HABP4: variants seen among roughly 807,000 people sequenced by gnomAD.
HABP4 encodes the protein intracellular hyaluronan-binding protein 4.
In HABP4, 32 loss-of-function variants were observed where a neutral mutation model predicts 44.1. That is an observed-to-expected ratio of 0.73 (90% CI 0.55 to 0.97). The LOEUF (loss-of-function observed/expected upper bound fraction) is 0.97, where lower values mean the gene tolerates loss of function less well. Ranked by LOEUF, HABP4 falls within the 50% of genes least tolerant of loss-of-function variation. The probability of loss-of-function intolerance (pLI) is 0.00; values close to 1 mark genes in which losing one functional copy is unlikely to be tolerated. For synonymous variants in HABP4, 216 were observed against 218.0 expected, an observed-to-expected ratio of 0.99 and a Z score of 0.08; for missense variants, 503 against 561.9, an observed-to-expected ratio of 0.90 and a Z score of 1.06.
intron 5 of HABP4, among the ~76,000 whole-genome samples, chr9:96,473,522 A>C (rs1013296633): frequency 2.6e-5 from 4 of 152,116 alleles, no homozygotes; most frequent in Non-Finnish European, 2.9e-5. Context: ...CACCTACGCC[A>C]AGGTGGTGTT....
intron 5 of HABP4, among the ~76,000 whole-genome samples, chr9:96,479,889 G>T (rs758185538): frequency 6.6e-6 from 1 of 152,146 alleles, no homozygotes; most frequent in Non-Finnish European, 1.5e-5. Flanking sequence ...ATGCTGGCCG[G>T]GTGCGGTGGC....
At chr9:96,476,091 G>C (rs79326417) in intron 5 of HABP4, among the ~76,000 whole-genome samples, 2,060 of 152,146 alleles carry the variant, frequency 0.014, 44 homozygotes, top group African/African-American at 0.047. Context: ...TTTCCATCTA[G>C]GTATTTTTCT....
At chr9:96,457,741 G>T (rs1022499975) in intron 1 of HABP4, among the ~76,000 whole-genome samples, 22 of 152,084 alleles carry the variant, frequency 1.4e-4, no homozygotes, top group African/African-American at 4.8e-4. Flanking sequence ...GGTGGCACAT[G>T]CCTGTAATTC....
chr9:96,458,504 C>T lies in HABP4; in HGVS notation c.475C>T (p.Gln159Ter). 6.2e-7 allele frequency: 1 copy of T among 1,613,290 alleles called. No individual in the cohort carries two copies. Among genetic ancestry groups the T allele is most frequent in the Non-Finnish European group, 8.5e-7 (1 of 1,179,248 alleles). The change falls in exon 2 of 8, where the codon CAG becomes TAG. Residue 159 changes from glutamine to a stop codon, truncating the protein, a stop_gained. Coordinates refer to ENST00000375249, the MANE Select transcript of HABP4 (RefSeq NM_014282.4). LOFTEE classifies it high-confidence loss of function. Reference sequence around the variant, plus strand: ...ATACCGACCCTATGAGACAGAGAGGCAGGCAGACTTCACAGCTGAGAAGTT... The same window carrying T: ...ATACCGACCCTATGAGACAGAGAGGTAGGCAGACTTCACAGCTGAGAAGTT... The part of the protein sequence containing the change: ...REYRPYETER[Q>*]ADFTAEKFPD...
intron 5 of HABP4, among the ~76,000 whole-genome samples, chr9:96,478,134 A>G (rs1832812513): frequency 6.6e-6 from 1 of 151,810 alleles, no homozygotes; most frequent in Non-Finnish European, 1.5e-5. Context: ...GCTGCTATGA[A>G]CATTTTTTTT....
chr9:96,457,725 G>C (rs1209848420), intron 1 of HABP4, among the ~76,000 whole-genome samples: 1 of 151,940 alleles, frequency 6.6e-6, no homozygotes, highest in Non-Finnish European at 1.5e-5. Flanking sequence ...AAAATTAGCT[G>C]GGCATGGTGG....
intron 4 of HABP4, among the ~76,000 whole-genome samples, chr9:96,468,018 G>A (rs1338464265): frequency 6.6e-6 from 1 of 152,194 alleles, no homozygotes; most frequent in Non-Finnish European, 1.5e-5. Context: ...GTGTTAAAAT[G>A]ACGTGTGCCC....
At chr9:96,455,288 T>C (rs1370374305) in intron 1 of HABP4, among the ~76,000 whole-genome samples, 4 of 149,766 alleles carry the variant, frequency 2.7e-5, no homozygotes, top group Non-Finnish European at 4.4e-5. Context: ...CTGTCTGTAG[T>C]AAAAATACAG....
chr9:96,453,597 T>TA (rs1466743948), intron 1 of HABP4, among the ~76,000 whole-genome samples: 3 of 152,238 alleles, frequency 2.0e-5, no homozygotes, highest in African/African-American at 4.8e-5. Context: ...AGTTCATTCT[T>TA]AAAGTCATGA....
chr9:96,471,150 T>C lies in HABP4; in HGVS notation c.827+56T>C, dbSNP rs1587681510. ...TGTTGGTTCTCTTCTTAATGATTTC[T>C]TTTTTTTTTTTGAGATGGAACTTGC... On this transcript the variant is annotated intron_variant, in intron 5 of 7. Coordinates refer to ENST00000375249, the MANE Select transcript of HABP4 (RefSeq NM_014282.4). 1.3e-5 allele frequency: 3 copies of C among 225,642 alleles called. No homozygotes were observed. In the South Asian group the frequency reaches 1.9e-4, roughly 14 times the overall value. The allele number at this position is 225,642 out of a possible 1,614,324, so 14.0% of individuals were successfully genotyped here.
chr9:96,479,603 G>A (rs898239248), intron 5 of HABP4, among the ~76,000 whole-genome samples: 2 of 151,712 alleles, frequency 1.3e-5, no homozygotes, highest in Admixed American at 1.3e-4. Flanking sequence ...TCCGCCTCCC[G>A]GGTTCAAAGC....
chr9:96,485,472 C>A (rs2131159628), intron 6 of HABP4, among the ~76,000 whole-genome samples: 1 of 152,348 alleles, frequency 6.6e-6, no homozygotes, highest in Non-Finnish European at 1.5e-5. Context: ...GATGAGTCCC[C>A]GAACGCTTGG....
At chr9:96,465,198 T>A in intron 2 of HABP4, 139 bp from the exon 3 acceptor site, 1 of 669,300 alleles carries the variant, frequency 1.5e-6, no homozygotes, top group Non-Finnish European at 2.7e-6. Context: ...ATGCGCTCAC[T>A]AAAGGTTAAC....
chr9:96,477,840 C>T (rs1183816697), intron 5 of HABP4, among the ~76,000 whole-genome samples: 17 of 152,178 alleles, frequency 1.1e-4, no homozygotes, highest in Admixed American at 1.1e-3. Flanking sequence ...AGTTTCCTGG[C>T]GTTCCTTTGT....
intron 7 of HABP4, 51 bp from the exon 8 acceptor site, chr9:96,489,931 G>A (rs374794660): frequency 2.3e-5 from 26 of 1,114,032 alleles, no homozygotes; most frequent in African/African-American, 1.1e-4. Flanking sequence ...CTGGGATATC[G>A]GGAATGGATG....
chr9:96,484,371 T>C (rs1832934388), intron 5 of HABP4, 91 bp from the exon 6 acceptor site: 3 of 619,628 alleles, frequency 4.8e-6, no homozygotes, highest in South Asian at 5.0e-5. Context: ...CACAAAAATA[T>C]GTTGAATTAA....
intron 2 of HABP4, among the ~76,000 whole-genome samples, chr9:96,463,248 C>T (rs1433904306): frequency 6.6e-6 from 1 of 151,434 alleles, no homozygotes; most frequent in African/African-American, 2.4e-5. Context: ...TCCTAGCCTG[C>T]TTTAGTTTTT....
chr9:96,459,921 T>C (rs1440421060), intron 2 of HABP4, among the ~76,000 whole-genome samples: 1 of 152,200 alleles, frequency 6.6e-6, no homozygotes, highest in Non-Finnish European at 1.5e-5. Flanking sequence ...GCACCTTTTT[T>C]GGTGATTACT....
chr9:96,471,149 C>A, intron 5 of HABP4, 55 bp downstream of exon 5: 5 of 773,338 alleles, frequency 6.5e-6, no homozygotes, highest in Admixed American at 2.3e-5. Flanking sequence ...TTAATGATTT[C>A]TTTTTTTTTT....
Sources: allele counts gnomAD v4.1 joint callset (sites outside exome capture counted in the v4.1 genomes callset), GRCh38; gene constraint gnomAD v4.1.1; transcripts MANE v1.5; gene names NCBI Gene and HGNC (gene_info 2026-07-23, HGNC 2026-07-21).